IYD: variants seen among roughly 807,000 people sequenced by gnomAD.
The protein encoded by IYD is iodotyrosine deiodinase 1.
A neutral mutation model predicts 28.4 loss-of-function variants in IYD; 25 were observed. That is an observed-to-expected ratio of 0.88 (90% CI 0.64 to 1.23). The LOEUF (loss-of-function observed/expected upper bound fraction) is 1.23, where lower values mean the gene tolerates loss of function less well. Ranked by LOEUF, IYD falls within the 50% of genes most tolerant of loss-of-function variation. The pLI, the probability that IYD is intolerant of heterozygous loss-of-function variation, is 0.00. For synonymous variants in IYD, 140 were observed against 130.8 expected, an observed-to-expected ratio of 1.07 and a Z score of -0.48; for missense variants, 352 against 357.9, an observed-to-expected ratio of 0.98 and a Z score of 0.13.
chr6:150,377,211 T>C (rs530333485), intron 1 of IYD, among the ~76,000 whole-genome samples: 1 of 152,310 alleles, frequency 6.6e-6, no homozygotes, highest in African/African-American at 2.4e-5. Flanking sequence ...ACCATAATAG[T>C]ATACATTTGC....
At position 150,395,303 on chromosome 6, in the gene IYD, A is replaced by C. The variant is rs5029121; in HGVS notation, c.687+1048A>C. 69,122 of 658,038 alleles carry C rather than the reference A, an allele frequency of 0.11. 6,728 individuals carry two copies. The highest frequency in any genetic ancestry group is 0.42 in the African/African-American group (22,732 of 54,136). The allele number at this position is 658,038 out of a possible 1,614,324, so 40.8% of individuals were successfully genotyped here. On this transcript the variant is annotated intron_variant, in intron 4 of 4. Transcript: ENST00000344419. ...CCATACTTTTGAGAGACAATGGATT[A>C]AAAAAAAAAGAGAGCTTCTTCACTA...
intron 3 of IYD, among the ~76,000 whole-genome samples, chr6:150,392,778 G>A (rs578031613): frequency 1.3e-5 from 2 of 152,270 alleles, no homozygotes; most frequent in Admixed American, 6.5e-5. Flanking sequence ...TTCTTCTCAA[G>A]ATCTTGCATG....
chr6:150,391,777 T>G (rs1176122679), intron 2 of IYD, among the ~76,000 whole-genome samples: 1 of 152,184 alleles, frequency 6.6e-6, no homozygotes, highest in Non-Finnish European at 1.5e-5. Context: ...GGCACCATCT[T>G]AGCTCACTGC....
chr6:150,393,895 G>A (rs962914254), intron 3 of IYD, among the ~76,000 whole-genome samples: 3 of 152,136 alleles, frequency 2.0e-5, no homozygotes, highest in African/African-American at 7.2e-5. Flanking sequence ...GCCATACTAG[G>A]CACTTATTAA....
At chr6:150,388,709 T>C (rs1471100238) in intron 1 of IYD, among the ~76,000 whole-genome samples, 2 of 147,024 alleles carry the variant, frequency 1.4e-5, no homozygotes, top group African/African-American at 2.5e-5. Flanking sequence ...CTTTCTCTTT[T>C]TTTTTTTTTT....
At chr6:150,390,432 G>A (rs1582794299) in intron 2 of IYD, among the ~76,000 whole-genome samples, 2 of 152,152 alleles carry the variant, frequency 1.3e-5, no homozygotes, top group South Asian at 4.1e-4. Flanking sequence ...TATTTCTTAT[G>A]TTTAGAGATA....
In IYD at chr6:150,394,324, G is replaced by A. The variant is rs545758858; in HGVS notation, c.687+69G>A. The A allele has an allele frequency of 2.1e-3, 3,307 of 1,566,380 alleles. 3 individuals carry two copies. Among genetic ancestry groups the A allele is most frequent in the Non-Finnish European group, 2.7e-3 (3,036 of 1,137,362 alleles). ...ATTTCAGCTGAGTTTTCAATTCAGG[G>A]ACATTTGGAAATTTTTTTTTAATCT... On this transcript the variant is annotated intron_variant, in intron 4 of 4. Coordinates refer to ENST00000344419, the MANE Select transcript of IYD (RefSeq NM_203395.3).
chr6:150,379,203 T>A (rs1002871806), intron 1 of IYD, among the ~76,000 whole-genome samples: 1 of 151,970 alleles, frequency 6.6e-6, no homozygotes. Context: ...GGTTCCTCCC[T>A]CTCTCTCTCA....
intron 2 of IYD, among the ~76,000 whole-genome samples, chr6:150,390,346 C>T (rs1251404823): frequency 6.6e-6 from 1 of 152,108 alleles, no homozygotes; most frequent in Admixed American, 6.5e-5. Context: ...TTATCTGTAT[C>T]TGTATTTGTA....
In IYD at chr6:150,404,689, C is replaced by T. The variant is rs1582813594; in HGVS notation, c.*6452C>T. 1 of 152,020 alleles carries T rather than the reference C, an allele frequency of 6.6e-6. No homozygotes were observed. Among genetic ancestry groups the T allele is most frequent in the South Asian group, 2.1e-4 (1 of 4,800 alleles). The allele number at this position is 152,020 out of a possible 1,614,324, so 9.4% of individuals were successfully genotyped here. ...GAGTTAATCAAACATTAATTAAAGCCCCCCTTCCCCAAAGAGATTTGTTTT... is the reference window on the plus strand; with the variant it reads ...GAGTTAATCAAACATTAATTAAAGCTCCCCTTCCCCAAAGAGATTTGTTTT... On this transcript the variant is annotated 3_prime_UTR_variant, in exon 5 of 5. Coordinates refer to ENST00000344419, the MANE Select transcript of IYD (RefSeq NM_203395.3).
intron 1 of IYD, among the ~76,000 whole-genome samples, chr6:150,376,175 A>C (rs1229844187): frequency 6.6e-6 from 1 of 152,180 alleles, no homozygotes; most frequent in African/African-American, 2.4e-5. Context: ...CTTCCTTCTA[A>C]CTAAAAGTAT....
chr6:150,389,238 AT>A (rs1016188994), intron 1 of IYD, 113 bp from the exon 2 acceptor site: 8 of 732,556 alleles, frequency 1.1e-5, no homozygotes, highest in African/African-American at 1.8e-5. Context: ...ATTTTATAGT[AT>A]TTTTTTGAGT....
rs1263732183 is a variant in IYD, at chr6:150,404,180, T to C, written c.*5943T>C. 2.0e-5 allele frequency: 3 copies of C among 152,206 alleles called. No homozygotes were observed. The highest frequency in any genetic ancestry group is 7.2e-5 in the African/African-American group (3 of 41,452). 9.4% of individuals were successfully genotyped at this position (152,206 alleles called of 1,614,324 possible). ...GTCCTTGACAATAGTAAATAGCACCTCTGTTCCCTTATTGGGTAAATGATT... is the reference window on the plus strand; with the variant it reads ...GTCCTTGACAATAGTAAATAGCACCCCTGTTCCCTTATTGGGTAAATGATT... On this transcript the variant is annotated 3_prime_UTR_variant, in exon 5 of 5. Coordinates refer to ENST00000344419, the MANE Select transcript of IYD (RefSeq NM_203395.3).
chr6:150,370,625 A>G, intron 1 of IYD: 1 of 985,426 alleles, frequency 1.0e-6, no homozygotes, highest in East Asian at 1.1e-4. Context: ...CCAGCGGAGA[A>G]GCACTTCCCT....
At chr6:150,370,003 A>G (rs1234134936) in intron 1 of IYD, 12 of 702,040 alleles carry the variant, frequency 1.7e-5, no homozygotes, top group Non-Finnish European at 3.1e-5. Flanking sequence ...AGAGGTGATG[A>G]AGGAGGCAGG....
At chr6:150,385,539 C>T (rs777464134) in intron 1 of IYD, among the ~76,000 whole-genome samples, 1 of 148,816 alleles carries the variant, frequency 6.7e-6, no homozygotes, top group Non-Finnish European at 1.5e-5. Flanking sequence ...CCTCATATTC[C>T]TGGGATAATT....
In IYD at chr6:150,389,378, G is replaced by A; in HGVS notation, c.205G>A (p.Glu69Lys). Residue 69 changes from glutamate to lysine, a missense_variant, in exon 2 of 5, where the codon GAA (glutamate) becomes AAA (lysine). Physicochemically the swap from Glu to Lys is moderately conservative, Grantham distance 56. Transcript: ENST00000344419. ...EDADEWQESE[E>K]NVEHIPFSHN... Reference sequence around the variant, plus strand: ...TGCTGATGAATGGCAAGAATCAGAAGAAAATGTTGAACACATCCCCTTCTC... The same window carrying A: ...TGCTGATGAATGGCAAGAATCAGAAAAAAATGTTGAACACATCCCCTTCTC... The A allele has an allele frequency of 6.2e-7, 1 of 1,613,866 alleles. No homozygotes were observed.
At chr6:150,378,697 T>G (rs1004666399) in intron 1 of IYD, among the ~76,000 whole-genome samples, 1 of 152,336 alleles carries the variant, frequency 6.6e-6, no homozygotes, top group South Asian at 2.1e-4. Flanking sequence ...CTGGTGGGAC[T>G]GTAAACTAGT....
chr6:150,392,425 A>C lies in IYD; in HGVS notation c.451A>C (p.Lys151Gln), dbSNP rs748479456. Residue 151 changes from lysine (K) to glutamine (Q), a missense_variant, in exon 3 of 5, where the codon AAG becomes CAG. Physicochemically the swap from Lys to Gln is moderately conservative, Grantham distance 53. Transcript: ENST00000344419. Reference protein sequence around the residue: ...KDPDVKHKIRKIIEEEEEINY... With the variant: ...KDPDVKHKIRQIIEEEEEINY... ...CCCAGACGTGAAGCACAAGATTCGA[A>C]AGATCATTGAGGAGGAAGAGGAGAT... The C allele has an allele frequency of 1.9e-6, 3 of 1,613,980 alleles. No homozygotes were observed. The highest frequency in any genetic ancestry group is 1.7e-6 in the Non-Finnish European group (2 of 1,179,868).
Sources: allele counts gnomAD v4.1 joint callset (sites outside exome capture counted in the v4.1 genomes callset), GRCh38; gene constraint gnomAD v4.1.1; transcripts MANE v1.5; gene names NCBI Gene and HGNC (gene_info 2026-07-23, HGNC 2026-07-21).